The following KIF1B variants were observed in gnomAD, a reference collection of about 807,000 sequenced individuals.
The protein encoded by KIF1B is kinesin family member 1B, also known as kinesin-like protein KIF1B.
KIF1B carries 76 observed loss-of-function variants against 241.9 expected under a neutral mutation model. That is an observed-to-expected ratio of 0.31 (90% CI 0.26 to 0.38). The LOEUF (loss-of-function observed/expected upper bound fraction) is 0.38. Ranked by LOEUF, KIF1B falls within the 10% of genes least tolerant of loss-of-function variation. The pLI is 1.00. For missense variants in KIF1B, 1,622 were observed against 2,271.4 expected, an observed-to-expected ratio of 0.71 and a Z score of 5.81; for synonymous variants, 750 against 796.7, an observed-to-expected ratio of 0.94 and a Z score of 0.99.
intron 1 of KIF1B, among the ~76,000 whole-genome samples, chr1:10,224,981 A>G (rs941897872): frequency 6.6e-6 from 1 of 152,152 alleles, no homozygotes; most frequent in African/African-American, 2.4e-5. Flanking sequence ...AGGAGTGTGC[A>G]ACCTAGATCC....
intron 22 of KIF1B, 77 bp downstream of exon 22, chr1:10,297,323 A>G (rs918453320): frequency 1.3e-5 from 16 of 1,273,764 alleles, no homozygotes; most frequent in Admixed American, 3.4e-5. Context: ...ACAGAGCAGT[A>G]CTCACCCAAA....
chr1:10,333,163 C>T (rs533058922), intron 27 of KIF1B, among the ~76,000 whole-genome samples: 10 of 151,644 alleles, frequency 6.6e-5, no homozygotes, highest in South Asian at 2.1e-4. Flanking sequence ...CGGTGGCTCA[C>T]GCCTGTAATC....
At chr1:10,284,625 C>T (rs1013503007) in intron 15 of KIF1B, among the ~76,000 whole-genome samples, 7 of 152,110 alleles carry the variant, frequency 4.6e-5, no homozygotes, top group Non-Finnish European at 1.0e-4. Flanking sequence ...GCGGAGGTTG[C>T]ACAGCCTGGA....
At chr1:10,228,810 T>C (rs572913414) in intron 1 of KIF1B, among the ~76,000 whole-genome samples, 1 of 152,306 alleles carries the variant, frequency 6.6e-6, no homozygotes, top group Admixed American at 6.5e-5. Context: ...AAGGGAGGGA[T>C]AGAATAAAGC....
chr1:10,376,684 A>T lies in KIF1B; in HGVS notation c.*97A>T. On this transcript the variant is annotated 3_prime_UTR_variant, in exon 49 of 49. Transcript: ENST00000676179. ...TTCTTGACGGTGACTCTTGTATGTA[A>T]TCCTGTGGCTTAACTACTTCTCCCT... 1.6e-6 allele frequency: 2 copies of T among 1,265,612 alleles called. No individual in the cohort carries two copies. The highest frequency in any genetic ancestry group is 2.3e-6 in the Non-Finnish European group (2 of 865,518). The allele number at this position is 1,265,612 out of a possible 1,614,324, so 78.4% of individuals were successfully genotyped here. A position where few individuals can be genotyped will look rare whatever the true frequency, so the allele number is the denominator to read the frequency against.
intron 1 of KIF1B, among the ~76,000 whole-genome samples, chr1:10,223,541 GTTTTGTTTTTTT>G (rs1168421010): frequency 7.6e-5 from 9 of 118,596 alleles, no homozygotes; most frequent in African/African-American, 2.8e-4. Flanking sequence ...TTTTTGTTTT[GTTTTGTTTTTTT>G]TTTTTTTTTT....
At chr1:10,233,174 T>A (rs1647004366) in intron 2 of KIF1B, among the ~76,000 whole-genome samples, 1 of 152,076 alleles carries the variant, frequency 6.6e-6, no homozygotes, top group Admixed American at 6.6e-5. Flanking sequence ...TGTAGAGGAG[T>A]CTACTGGTGG....
intron 16 of KIF1B, 68 bp from the exon 17 acceptor site, chr1:10,291,978 CA>C: frequency 1.5e-6 from 2 of 1,346,858 alleles, no homozygotes; most frequent in Non-Finnish European, 2.1e-6. Context: ...CTTTATTTTC[CA>C]ATTCATATTA....
At chr1:10,281,747 A>C (rs1649416006) in intron 14 of KIF1B, among the ~76,000 whole-genome samples, 1 of 152,238 alleles carries the variant, frequency 6.6e-6, no homozygotes, top group African/African-American at 2.4e-5. Context: ...ACATATTAAA[A>C]ATCCTTTTAG....
chr1:10,215,182 T>A (rs1363671836), intron 1 of KIF1B, among the ~76,000 whole-genome samples: 5 of 125,402 alleles, frequency 4.0e-5, no homozygotes, highest in African/African-American at 9.3e-5. Context: ...ATTTTTTTTT[T>A]TTTTTTTTTT....
intron 22 of KIF1B, among the ~76,000 whole-genome samples, chr1:10,313,831 T>C (rs1651186317): frequency 6.6e-6 from 1 of 151,466 alleles, no homozygotes; most frequent in Non-Finnish European, 1.5e-5. Flanking sequence ...ATTACAGGCG[T>C]GAGCCACCGT....
chr1:10,220,397 T>TGATA (rs5772398), intron 1 of KIF1B, among the ~76,000 whole-genome samples: 9,448 of 144,078 alleles, frequency 0.066, 348 homozygotes, highest in African/African-American at 0.094. Context: ...GATAGATAGA[T>TGATA]GATAGATAGA....
At chr1:10,323,238 C>G (rs1569824260) in intron 24 of KIF1B, among the ~76,000 whole-genome samples, 1 of 152,300 alleles carries the variant, frequency 6.6e-6, no homozygotes, top group East Asian at 1.9e-4. Flanking sequence ...TTCATCCTCT[C>G]TCATTAGTGA....
In KIF1B at chr1:10,296,602, T is replaced by C. The variant is rs1295227153; in HGVS notation, c.1798T>C (p.Cys600Arg). 1 of 1,613,916 alleles carries C rather than the reference T, an allele frequency of 6.2e-7. No homozygotes were observed. The highest frequency in any genetic ancestry group is 1.3e-5 in the African/African-American group (1 of 75,038). Residue 600 changes from cysteine (C) to arginine (R), a missense_variant, in exon 20 of 49, where the codon TGT becomes CGT. Physicochemically the swap from Cys to Arg is radical, Grantham distance 180. This residue lies in a region of KIF1B where 44 missense variants were observed against 28.6 expected (regional missense o/e 1.54). Coordinates refer to ENST00000676179, the MANE Select transcript of KIF1B (RefSeq NM_001365951.3). ...CTTAGTTATCGTGACCTTAGAGCCC[T>C]GTGAGCGCTCAGAAACCTACGTAAA... ...SGEVIVTLEP[C>R]ERSETYVNGK... is the part of the protein sequence containing the mutation.
chr1:10,258,750 T>C (rs1416785146), intron 4 of KIF1B, 78 bp downstream of exon 4: 1 of 1,401,154 alleles, frequency 7.1e-7, no homozygotes. Context: ...TTATTTTTAT[T>C]TGGCGAACAT....
chr1:10,365,644 C>A lies in KIF1B; in HGVS notation c.4748C>A (p.Thr1583Asn). Residue 1583 changes from threonine to asparagine, a missense_variant, in exon 43 of 49, where the codon ACC becomes AAC. Physicochemically the swap from Thr to Asn is moderately conservative, Grantham distance 65. This residue lies in a region of KIF1B where 357 missense variants were observed against 409.0 expected (regional missense o/e 0.87). Coordinates refer to ENST00000676179, the MANE Select transcript of KIF1B (RefSeq NM_001365951.3). This position sits in a 1 kb window ranked among gnomAD's most constrained non-coding sequence, Gnocchi z 4.0. ...SLVDREKELA[T>N]KCLQLLTHTF... ...GTGGACCGAGAGAAAGAGCTGGCTA[C>A]CAAGGTGTGAATCCCTTCCTCTTTG... 6.2e-7 allele frequency: 1 copy of A among 1,614,142 alleles called. No individual in the cohort carries two copies. Among genetic ancestry groups the A allele is most frequent in the Non-Finnish European group, 8.5e-7 (1 of 1,180,038 alleles).
chr1:10,231,196 G>A (rs563453082), intron 1 of KIF1B, among the ~76,000 whole-genome samples: 1 of 152,170 alleles, frequency 6.6e-6, no homozygotes, highest in East Asian at 1.9e-4. Context: ...GGCGACAAGA[G>A]CAAAACTCCG....
intron 1 of KIF1B, among the ~76,000 whole-genome samples, chr1:10,229,446 A>C (rs1646949822): frequency 6.6e-6 from 1 of 152,166 alleles, no homozygotes; most frequent in Non-Finnish European, 1.5e-5. Context: ...AGCAAACGAG[A>C]CAGGAGATCT....
rs1235982217 is a variant in KIF1B, at chr1:10,303,533, A to G, written c.2115+6287A>G. 1.2e-6 allele frequency: 2 copies of G among 1,614,088 alleles called. No individual in the cohort carries two copies. Among genetic ancestry groups the G allele is most frequent in the South Asian group, 1.1e-5 (1 of 91,070 alleles). ...GGCAAGAAAGACCCCAATGAGCGGG[A>G]CTCCTGGAGGGCAGTGGCCAGGGAC... On this transcript the variant is annotated intron_variant, in intron 22 of 48. Transcript: ENST00000676179. This position sits in a 1 kb window ranked among gnomAD's most constrained non-coding sequence, Gnocchi z 5.2.
Sources: allele counts gnomAD v4.1 joint callset (sites outside exome capture counted in the v4.1 genomes callset), GRCh38; gene constraint gnomAD v4.1.1; regional missense constraint gnomAD v4.1.1; non-coding constraint Gnocchi (gnomAD v3.1); transcripts MANE v1.5; gene names NCBI Gene and HGNC (gene_info 2026-07-23, HGNC 2026-07-21).